Variants in TEAD1 observed in about 807,000 individuals in gnomAD.
TEAD1 encodes the protein TEA domain transcription factor 1.
Under a neutral mutation model 54.9 loss-of-function variants are expected in TEAD1, and 9 were observed. The observed-to-expected ratio is 0.16, with a 90% CI of 0.10 to 0.29. The LOEUF is 0.29. Ranked by LOEUF, TEAD1 falls within the 10% of genes least tolerant of loss-of-function variation. TEAD1 has a pLI of 1.00. For synonymous variants in TEAD1, 200 were observed against 187.8 expected (o/e 1.07, Z -0.53); for missense variants, 387 against 535.9 (o/e 0.72, Z 2.74).
chr11:12,815,469 G>A (rs1946395633), intron 3 of TEAD1, among the ~76,000 whole-genome samples: 1 of 152,178 alleles, frequency 6.6e-6, no homozygotes, highest in African/African-American at 2.4e-5. Context: ...CTGGAGAAGA[G>A]GTCACAGAAC....
intron 5 of TEAD1, among the ~76,000 whole-genome samples, chr11:12,867,455 C>T (rs1233168357): frequency 6.6e-6 from 1 of 152,164 alleles, no homozygotes; most frequent in Non-Finnish European, 1.5e-5. Context: ...TGCTTGGCAC[C>T]ACTCTGAGGG....
intron 2 of TEAD1, among the ~76,000 whole-genome samples, chr11:12,709,088 A>T (rs1023504542): frequency 1.3e-5 from 2 of 152,206 alleles, no homozygotes; most frequent in Non-Finnish European, 2.9e-5. Flanking sequence ...CTGTAATCCC[A>T]GCACTTTGGG....
intron 3 of TEAD1, among the ~76,000 whole-genome samples, chr11:12,811,318 C>G (rs575715415): frequency 2.6e-5 from 4 of 152,352 alleles, no homozygotes; most frequent in Admixed American, 1.3e-4. Context: ...ATGTGCAGGA[C>G]TGGTTACTGG....
chr11:12,943,085 G>C lies in TEAD1; in HGVS notation c.*5863G>C, dbSNP rs1453491808. The C allele has an allele frequency of 6.6e-6, 1 of 152,340 alleles. No individual in the cohort carries two copies. Among genetic ancestry groups the C allele is most frequent in the African/African-American group, 2.4e-5 (1 of 41,562 alleles). 9.4% of individuals were successfully genotyped at this position (152,340 alleles called of 1,614,324 possible). ...TCTAAACTCTTAATACATACGTTCT[G>C]TGTGTCTCTACCTGGCGTCTTTAAG... On this transcript the variant is annotated 3_prime_UTR_variant, in exon 13 of 13. Transcript: ENST00000527636.
At chr11:12,891,181 C>T (rs1237398802) in intron 9 of TEAD1, among the ~76,000 whole-genome samples, 2 of 152,206 alleles carry the variant, frequency 1.3e-5, no homozygotes, top group Non-Finnish European at 2.9e-5. Flanking sequence ...CATTCCTATC[C>T]TACCCTTAAG....
intron 2 of TEAD1, among the ~76,000 whole-genome samples, chr11:12,749,539 G>T (rs1317961106): frequency 1.3e-5 from 2 of 152,206 alleles, no homozygotes; most frequent in Non-Finnish European, 2.9e-5. Context: ...GCTGGGGTTT[G>T]TCAGAGGGGA....
chr11:12,694,231 T>C (rs1214450732), intron 2 of TEAD1, among the ~76,000 whole-genome samples: 1 of 152,154 alleles, frequency 6.6e-6, no homozygotes, highest in Admixed American at 6.5e-5. Flanking sequence ...CTGGATTCCA[T>C]ATGTATAGTT....
chr11:12,861,984 CTTTTTT>C (rs72145575), intron 3 of TEAD1, among the ~76,000 whole-genome samples: 1 of 124,368 alleles, frequency 8.0e-6, no homozygotes, highest in African/African-American at 2.9e-5. Context: ...GAAACTCTGT[CTTTTTT>C]TTTTTTTTTT....
At chr11:12,812,049 C>T (rs144001831) in intron 3 of TEAD1, among the ~76,000 whole-genome samples, 1 of 152,150 alleles carries the variant, frequency 6.6e-6, no homozygotes, top group East Asian at 1.9e-4. Context: ...TGACACACAC[C>T]TGCGATTGGA....
chr11:12,811,629 C>CGTCT (rs574193535), intron 3 of TEAD1, among the ~76,000 whole-genome samples: 170 of 152,190 alleles, frequency 1.1e-3, no homozygotes, highest in African/African-American at 4.0e-3. Flanking sequence ...TGGAGAGGGG[C>CGTCT]GTCTGTGGTC....
At chr11:12,896,937 C>T (rs1354942519) in intron 9 of TEAD1, among the ~76,000 whole-genome samples, 1 of 152,128 alleles carries the variant, frequency 6.6e-6, no homozygotes, top group Non-Finnish European at 1.5e-5. Context: ...AGAGTGAGTA[C>T]CTTTTCCATC....
At chr11:12,741,072 A>G (rs557337892) in intron 2 of TEAD1, among the ~76,000 whole-genome samples, 109 of 152,152 alleles carry the variant, frequency 7.2e-4, no homozygotes, top group African/African-American at 2.5e-3. Context: ...CTTAGTAACT[A>G]TTTCCTTTTT....
At chr11:12,871,117 A>G (rs1366817767) in intron 5 of TEAD1, among the ~76,000 whole-genome samples, 4 of 152,200 alleles carry the variant, frequency 2.6e-5, no homozygotes, top group African/African-American at 9.6e-5. Context: ...AGATGAATCC[A>G]TGCAGTTGCA....
chr11:12,882,952 C>T, intron 8 of TEAD1, 49 bp from the exon 9 acceptor site: 1 of 1,613,992 alleles, frequency 6.2e-7, no homozygotes. Context: ...TGCCTGAGGC[C>T]CAAGGGGAGG....
intron 3 of TEAD1, among the ~76,000 whole-genome samples, chr11:12,775,582 C>T (rs1590138035): frequency 6.6e-6 from 1 of 152,086 alleles, no homozygotes; most frequent in African/African-American, 2.4e-5. Flanking sequence ...AATAAATGAT[C>T]ATTATTGATG....
chr11:12,730,023 A>G (rs1196226354), intron 2 of TEAD1, among the ~76,000 whole-genome samples: 2 of 152,198 alleles, frequency 1.3e-5, no homozygotes, highest in Non-Finnish European at 2.9e-5. Context: ...AACTGGGTCT[A>G]ACATAGGTGA....
rs974003291 is a variant in TEAD1, at chr11:12,894,411, T to C, written c.700-7529T>C. On this transcript the variant is annotated intron_variant, in intron 9 of 12. Transcript: ENST00000527636. Reference sequence around the variant, plus strand: ...ACATCTAGATTCAATACATCTAGAATGTATTGTCAGTCCTTTTAAAAAAAA... The same window carrying C: ...ACATCTAGATTCAATACATCTAGAACGTATTGTCAGTCCTTTTAAAAAAAA... Among the ~76,000 whole-genome samples the C allele has an allele frequency of 2.0e-5, 3 of 152,226 alleles. No homozygotes were observed. The East Asian group carries it at 5.8e-4, about 29-fold the overall frequency.
At chr11:12,727,445 T>A (rs1944335532) in intron 2 of TEAD1, among the ~76,000 whole-genome samples, 3 of 152,312 alleles carry the variant, frequency 2.0e-5, no homozygotes, top group Non-Finnish European at 4.4e-5. Context: ...TGAACCTTGC[T>A]GCCCTGTTTC....
Position 12,937,173 on chromosome 11 carries a change from A to C in TEAD1, c.1232A>C (p.Asn411Thr), listed in dbSNP as rs1246316986. The C allele has an allele frequency of 6.2e-7, 1 of 1,614,104 alleles. No homozygotes were observed. Among genetic ancestry groups the C allele is most frequent in the South Asian group, 1.1e-5 (1 of 91,080 alleles). Reference sequence around the variant, plus strand: ...ATGGCCTGTGTGTTTGAAGTTTCAAATAGTGAACACGGAGCACAACATCAT... The same window carrying C: ...ATGGCCTGTGTGTTTGAAGTTTCAACTAGTGAACACGGAGCACAACATCAT... Residue 411 changes from asparagine to threonine, a missense_variant, in exon 13 of 13, where the codon AAT becomes ACT. This residue lies in a region of TEAD1 where 123 missense variants were observed against 199.0 expected (regional missense o/e 0.62). Coordinates refer to ENST00000527636, the MANE Select transcript of TEAD1 (RefSeq NM_021961.6).
Sources: allele counts gnomAD v4.1 joint callset (sites outside exome capture counted in the v4.1 genomes callset), GRCh38; gene constraint gnomAD v4.1.1; regional missense constraint gnomAD v4.1.1; transcripts MANE v1.5; gene names NCBI Gene and HGNC (gene_info 2026-07-23, HGNC 2026-07-21).